The following ANKRD6 variants were observed in gnomAD, a reference collection of about 807,000 sequenced individuals.
ANKRD6 encodes ankyrin repeat domain-containing protein 6.
In ANKRD6, 56 loss-of-function variants were observed where a neutral mutation model predicts 82.3. The ratio of observed to expected loss-of-function variants is 0.68; its 90% CI spans 0.55 to 0.85. The LOEUF (loss-of-function observed/expected upper bound fraction) is 0.85. Among genes scored for constraint, ANKRD6 ranks in the 40% least tolerant of loss-of-function variants. The pLI is 0.00. For missense variants in ANKRD6, 852 were observed against 907.6 expected, an observed-to-expected ratio of 0.94 and a Z score of 0.79; for synonymous variants, 347 against 352.1, an observed-to-expected ratio of 0.99 and a Z score of 0.16.
At position 89,618,167 on chromosome 6, in the gene ANKRD6, T is replaced by G. The variant is rs775833468; in HGVS notation, c.792+136T>G. Reference sequence around the variant, plus strand: ...TAACCAGGCAGTGGAGGTATAGGCATGCATGGGGGCCCAGGATGACGGGAG... The same window carrying G: ...TAACCAGGCAGTGGAGGTATAGGCAGGCATGGGGGCCCAGGATGACGGGAG... On this transcript the variant is annotated intron_variant, in intron 9 of 15. Coordinates refer to ENST00000339746, the MANE Select transcript of ANKRD6 (RefSeq NM_001242809.2). 5 of 946,984 alleles carry G rather than the reference T, an allele frequency of 5.3e-6. No homozygotes were observed. The East Asian group carries it at 1.2e-4, about 23-fold the overall frequency. 58.7% of individuals were successfully genotyped at this position (946,984 alleles called of 1,614,324 possible). A position where few individuals can be genotyped will look rare whatever the true frequency, so the allele number is the denominator to read the frequency against.
intron 2 of ANKRD6, among the ~76,000 whole-genome samples, chr6:89,571,068 T>C (rs1418781458): frequency 1.3e-5 from 2 of 150,840 alleles, no homozygotes; most frequent in African/African-American, 4.9e-5. Context: ...GTTTGTTTTT[T>C]TGAGTCGGAG....
chr6:89,540,935 T>C (rs1195118730), intron 1 of ANKRD6, among the ~76,000 whole-genome samples: 3 of 152,206 alleles, frequency 2.0e-5, no homozygotes, highest in African/African-American at 7.2e-5. Context: ...GAGTTCACTG[T>C]AGGTGTATGG....
intron 5 of ANKRD6, among the ~76,000 whole-genome samples, chr6:89,611,431 C>T (rs1396527403): frequency 2.6e-5 from 4 of 152,208 alleles, no homozygotes; most frequent in African/African-American, 4.8e-5. Flanking sequence ...ACCTATCACA[C>T]GGCCTTGCTT....
At chr6:89,589,193 C>T (rs369611045) in intron 2 of ANKRD6, among the ~76,000 whole-genome samples, 2 of 152,020 alleles carry the variant, frequency 1.3e-5, no homozygotes, top group Non-Finnish European at 2.9e-5. Flanking sequence ...GAAGCAGGAG[C>T]GAGGAGCTGG....
chr6:89,548,970 G>T (rs1353033347), intron 1 of ANKRD6, among the ~76,000 whole-genome samples: 1 of 152,146 alleles, frequency 6.6e-6, no homozygotes, highest in Non-Finnish European at 1.5e-5. Flanking sequence ...ACTTCAAGAG[G>T]CAGAGGCAGG....
chr6:89,475,411 C>G (rs117160418), intron 1 of ANKRD6, among the ~76,000 whole-genome samples: 2,648 of 152,186 alleles, frequency 0.017, 35 homozygotes, highest in Non-Finnish European at 0.029. Flanking sequence ...AAACAGAAAA[C>G]AATCTAAAAC....
chr6:89,566,465 G>T (rs1015515828), intron 1 of ANKRD6, among the ~76,000 whole-genome samples: 2 of 152,240 alleles, frequency 1.3e-5, no homozygotes, highest in African/African-American at 4.8e-5. Flanking sequence ...GGGGGCCTTT[G>T]ATGATCACAC....
chr6:89,484,344 A>G (rs1050965204), intron 1 of ANKRD6, among the ~76,000 whole-genome samples: 1 of 151,926 alleles, frequency 6.6e-6, no homozygotes, highest in South Asian at 2.1e-4. Context: ...CTGTGGGCTT[A>G]TTTTTTTTAT....
intron 1 of ANKRD6, among the ~76,000 whole-genome samples, chr6:89,486,448 T>G (rs889378751): frequency 2.0e-5 from 3 of 152,202 alleles, no homozygotes; most frequent in Non-Finnish European, 2.9e-5. Flanking sequence ...AATGTATCCA[T>G]GTTTGTAACA....
chr6:89,510,882 G>A (rs981715927), intron 1 of ANKRD6, among the ~76,000 whole-genome samples: 5 of 152,158 alleles, frequency 3.3e-5, no homozygotes, highest in Admixed American at 2.6e-4. Flanking sequence ...TATATCTGTT[G>A]GGTAAGTGAG....
At chr6:89,625,994 C>T (rs934581165) in intron 13 of ANKRD6, among the ~76,000 whole-genome samples, 1 of 152,164 alleles carries the variant, frequency 6.6e-6, no homozygotes, top group African/African-American at 2.4e-5. Flanking sequence ...CTTGGCCTCC[C>T]AAGGTGCTGG....
intron 1 of ANKRD6, among the ~76,000 whole-genome samples, chr6:89,546,667 C>T (rs1304431652): frequency 2.0e-5 from 3 of 151,980 alleles, no homozygotes; most frequent in Admixed American, 6.6e-5. Context: ...TTCATCATGT[C>T]GGCCAGGCTG....
intron 13 of ANKRD6, among the ~76,000 whole-genome samples, chr6:89,626,428 T>G (rs528922498): frequency 3.3e-5 from 5 of 152,246 alleles, no homozygotes; most frequent in African/African-American, 1.2e-4. Context: ...AAGCAATGTA[T>G]ACCTATGGCT....
rs187466614 is a variant in ANKRD6 at position 89,522,085 on chromosome 6, A to G, written c.-143-44749A>G. ...GGAAGAACTCCTTGCCAGTGTATAT[A>G]CATAAACCTGAGGCCTGTTTTCAGT... On this transcript the variant is annotated intron_variant, in intron 1 of 15. Coordinates refer to ENST00000339746, the MANE Select transcript of ANKRD6 (RefSeq NM_001242809.2). Among the ~76,000 whole-genome samples the G allele has an allele frequency of 3.2e-4, 49 of 152,346 alleles. No individual in the cohort carries two copies. In the East Asian group the frequency reaches 9.2e-3, roughly 29 times the overall value.
intron 2 of ANKRD6, among the ~76,000 whole-genome samples, chr6:89,586,429 C>G (rs1300631994): frequency 6.6e-6 from 1 of 152,184 alleles, no homozygotes; most frequent in Non-Finnish European, 1.5e-5. Flanking sequence ...TGGCTCACAC[C>G]TGTAATCCCA....
At chr6:89,535,870 A>G (rs1015274458) in intron 1 of ANKRD6, among the ~76,000 whole-genome samples, 2 of 152,170 alleles carry the variant, frequency 1.3e-5, no homozygotes, top group Non-Finnish European at 2.9e-5. Context: ...TCTCTTGTTC[A>G]CTTTCCTCAT....
intron 15 of ANKRD6, 118 bp from the exon 16 acceptor site, chr6:89,630,315 T>A: frequency 2.5e-6 from 3 of 1,182,412 alleles, no homozygotes; most frequent in Non-Finnish European, 3.5e-6. Flanking sequence ...ACATGGTGGG[T>A]GGTGATGGAG....
intron 1 of ANKRD6, among the ~76,000 whole-genome samples, chr6:89,437,559 T>C (rs1163160234): frequency 2.0e-5 from 3 of 152,216 alleles, no homozygotes; most frequent in African/African-American, 7.2e-5. Context: ...AAGATGGTAC[T>C]GAATGACTGA....
chr6:89,599,980 G>A (rs976968792), intron 3 of ANKRD6, among the ~76,000 whole-genome samples: 15 of 152,166 alleles, frequency 9.9e-5, no homozygotes, highest in Non-Finnish European at 1.2e-4. Context: ...CTGTGGCCTG[G>A]AAACAGGCAG....
Sources: gnomAD v4.1 joint callset for allele counts (sites outside exome capture counted in the v4.1 genomes callset) on GRCh38, gnomAD v4.1.1 for gene constraint, MANE v1.5 for transcripts, NCBI Gene and HGNC (gene_info 2026-07-23, HGNC 2026-07-21) for gene names.